Variants in ADK observed in about 807,000 individuals in gnomAD.
ADK encodes N6,N6-dimethyladenosine kinase.
In ADK, 24 loss-of-function variants were observed where a neutral mutation model predicts 44.7. The observed-to-expected ratio is 0.54, with a 90% CI of 0.39 to 0.76. The LOEUF (loss-of-function observed/expected upper bound fraction) is 0.76, where lower values mean the gene tolerates loss of function less well. Among genes scored for constraint, ADK ranks in the 30% least tolerant of loss-of-function variants. The probability of loss-of-function intolerance (pLI) is 0.00; values close to 1 mark genes in which losing one functional copy is unlikely to be tolerated. For missense variants in ADK, 321 were observed against 425.1 expected (o/e 0.76, Z 2.15); for synonymous variants, 128 against 142.6 (o/e 0.90, Z 0.73).
chr10:74,433,378 T>C (rs1049751145), intron 6 of ADK, among the ~76,000 whole-genome samples: 16 of 152,230 alleles, frequency 1.1e-4, no homozygotes, highest in African/African-American at 3.4e-4. Context: ...TCTAAACTGC[T>C]AAGAATGGAC....
intron 6 of ADK, among the ~76,000 whole-genome samples, chr10:74,462,400 C>A (rs959769786): frequency 7.2e-5 from 11 of 152,054 alleles, no homozygotes; most frequent in African/African-American, 2.7e-4. Context: ...TGTAAATCAA[C>A]CTACAGAGAA....
At chr10:74,662,581 A>G (rs1336311245) in intron 9 of ADK, among the ~76,000 whole-genome samples, 1 of 152,118 alleles carries the variant, frequency 6.6e-6, no homozygotes, top group Non-Finnish European at 1.5e-5. Flanking sequence ...GTGCCCAGCA[A>G]TATTTTCATA....
chr10:74,213,434 G>A (rs936259354), intron 2 of ADK, among the ~76,000 whole-genome samples: 1 of 151,862 alleles, frequency 6.6e-6, no homozygotes, highest in Non-Finnish European at 1.5e-5. Context: ...ATAGTTTGAC[G>A]CAATATTATT....
intron 9 of ADK, among the ~76,000 whole-genome samples, chr10:74,640,223 G>C (rs979199209): frequency 6.6e-6 from 1 of 152,230 alleles, no homozygotes; most frequent in Non-Finnish European, 1.5e-5. Flanking sequence ...GCAGGGCCTT[G>C]AAAGTGGCTC....
chr10:74,263,304 T>C (rs1846108059), intron 3 of ADK, among the ~76,000 whole-genome samples: 1 of 152,214 alleles, frequency 6.6e-6, no homozygotes, highest in African/African-American at 2.4e-5. Context: ...GTTTTAGGCC[T>C]TCACAAATTT....
At chr10:74,704,003 C>T (rs571192962) in intron 10 of ADK, among the ~76,000 whole-genome samples, 1 of 152,130 alleles carries the variant, frequency 6.6e-6, no homozygotes, top group Admixed American at 6.5e-5. Flanking sequence ...AAATAAAATA[C>T]ATTTTAAGCA....
rs949665778 is a variant in ADK at position 74,181,637 on chromosome 10, A to T, written c.66-19127A>T. 4.8e-4 allele frequency among the ~76,000 whole-genome samples: 73 copies of T among 152,276 alleles called. 1 individual carries two copies. The Middle Eastern group carries it at 0.017, about 35-fold the overall frequency. On this transcript the variant is annotated intron_variant, in intron 1 of 10. Transcript: ENST00000539909. ...TACTTTTTTTCCTTTTCTATACTGG[A>T]TCTTGTGTCCAAAGTAAAGTGAAAT... is the stretch of plus-strand genomic sequence containing the variant.
chr10:74,694,370 G>A (rs1856100059), intron 10 of ADK, among the ~76,000 whole-genome samples: 1 of 150,890 alleles, frequency 6.6e-6, no homozygotes, highest in African/African-American at 2.4e-5. Flanking sequence ...GGGCAACCTA[G>A]TGAGGCCCCA....
intron 7 of ADK, among the ~76,000 whole-genome samples, chr10:74,582,391 T>A (rs928155458): frequency 1.3e-5 from 2 of 152,206 alleles, no homozygotes; most frequent in African/African-American, 4.8e-5. Context: ...TATGCTAGCC[T>A]CTTTCTTCTT....
intron 6 of ADK, among the ~76,000 whole-genome samples, chr10:74,457,168 A>G (rs566981447): frequency 5.3e-5 from 8 of 152,350 alleles, no homozygotes; most frequent in Non-Finnish European, 1.0e-4. Context: ...GATCCCACAG[A>G]AGTACAAACT....
intron 4 of ADK, among the ~76,000 whole-genome samples, chr10:74,378,765 G>A (rs187583661): frequency 6.6e-6 from 1 of 152,150 alleles, no homozygotes; most frequent in South Asian, 2.1e-4. Context: ...TCAGTGGAGG[G>A]GTTGGCATTT....
intron 4 of ADK, among the ~76,000 whole-genome samples, chr10:74,360,339 C>A: frequency 6.6e-6 from 1 of 151,278 alleles, no homozygotes; most frequent in South Asian, 2.1e-4. Context: ...TGTTCCATGT[C>A]CTGATGAAAA....
chr10:74,545,765 AAT>A (rs1276328417), intron 7 of ADK, among the ~76,000 whole-genome samples: 1 of 152,192 alleles, frequency 6.6e-6, no homozygotes, highest in Non-Finnish European at 1.5e-5. Context: ...TCTGAGAGGC[AAT>A]ATATGTTTTC....
At chr10:74,531,962 A>G (rs1303400603) in intron 7 of ADK, among the ~76,000 whole-genome samples, 1 of 152,244 alleles carries the variant, frequency 6.6e-6, no homozygotes, top group Non-Finnish European at 1.5e-5. Flanking sequence ...TACCAAAAAC[A>G]AAGTATTGCA....
At chr10:74,373,541 A>C (rs929367260) in intron 4 of ADK, among the ~76,000 whole-genome samples, 4 of 152,192 alleles carry the variant, frequency 2.6e-5, no homozygotes, top group African/African-American at 9.6e-5. Flanking sequence ...GAAGATATAC[A>C]AATGACTAAG....
intron 6 of ADK, among the ~76,000 whole-genome samples, chr10:74,446,215 G>T (rs1247728046): frequency 6.6e-6 from 1 of 151,836 alleles, no homozygotes; most frequent in Non-Finnish European, 1.5e-5. Context: ...GAGGAGAGGG[G>T]GCAATCTTGT....
intron 7 of ADK, among the ~76,000 whole-genome samples, chr10:74,540,407 A>G (rs73274161): frequency 0.03 from 4,534 of 152,074 alleles, 191 homozygotes; most frequent in African/African-American, 0.091. Context: ...ATGCCATAAT[A>G]TAAAAATAAT....
At chr10:74,402,904 G>C (rs1458666905) in intron 6 of ADK, among the ~76,000 whole-genome samples, 2 of 152,166 alleles carry the variant, frequency 1.3e-5, no homozygotes, top group African/African-American at 2.4e-5. Context: ...GGTCTTTGAT[G>C]ATGGTGACCT....
chr10:74,598,954 T>C (rs1852024403), intron 8 of ADK, among the ~76,000 whole-genome samples: 1 of 152,164 alleles, frequency 6.6e-6, no homozygotes, highest in African/African-American at 2.4e-5. Flanking sequence ...ATTGCCAAAA[T>C]ATACATGAGT....
Sources: gnomAD v4.1 joint callset for allele counts (sites outside exome capture counted in the v4.1 genomes callset) on GRCh38, gnomAD v4.1.1 for gene constraint, MANE v1.5 for transcripts, NCBI Gene and HGNC (gene_info 2026-07-23, HGNC 2026-07-21) for gene names.